The following PDE10A variants were observed in gnomAD, a reference collection of about 807,000 sequenced individuals.
PDE10A encodes phosphodiesterase 10A, also known as cAMP and cAMP-inhibited cGMP 3',5'-cyclic phosphodiesterase 10A.
PDE10A carries 39 observed loss-of-function variants against 97.7 expected under a neutral mutation model. The ratio of observed to expected loss-of-function variants is 0.40; its 90% CI spans 0.31 to 0.52. PDE10A has a LOEUF of 0.52. Among genes scored for constraint, PDE10A ranks in the 20% least tolerant of loss-of-function variants. The probability of loss-of-function intolerance (pLI) is 0.56; values close to 1 mark genes in which losing one functional copy is unlikely to be tolerated. For synonymous variants in PDE10A, 371 were observed against 376.8 expected (o/e 0.98, Z 0.18); for missense variants, 731 against 1,047.8 (o/e 0.70, Z 4.17).
intron 1 of PDE10A, among the ~76,000 whole-genome samples, chr6:165,693,554 C>T (rs1216494217): frequency 1.0e-5 from 1 of 97,426 alleles, no homozygotes. Flanking sequence ...AAAAAAAAAC[C>T]GAGTGCACTG....
At chr6:165,548,911 A>T (rs535224860) in intron 1 of PDE10A, among the ~76,000 whole-genome samples, 1 of 152,354 alleles carries the variant, frequency 6.6e-6, no homozygotes, top group South Asian at 2.1e-4. Context: ...ACTAAAAAAT[A>T]ACAGTATTAC....
At chr6:165,653,028 G>A (rs1789760195) in intron 1 of PDE10A, among the ~76,000 whole-genome samples, 1 of 152,186 alleles carries the variant, frequency 6.6e-6, no homozygotes, top group East Asian at 1.9e-4. Flanking sequence ...TGGGTCACTG[G>A]TGCCAACTAG....
At chr6:165,722,207 A>C (rs745600316) in intron 1 of PDE10A, among the ~76,000 whole-genome samples, 52 of 152,242 alleles carry the variant, frequency 3.4e-4, no homozygotes, top group Non-Finnish European at 3.5e-4. Flanking sequence ...CTGTGAGATA[A>C]ACCAAATACG....
intron 1 of PDE10A, among the ~76,000 whole-genome samples, chr6:165,821,358 G>C (rs114965466): frequency 7.9e-5 from 12 of 152,106 alleles, no homozygotes; most frequent in Non-Finnish European, 1.3e-4. Flanking sequence ...AATCATGATC[G>C]TGACAACAGA....
chr6:165,523,999 A>G (rs2128310069), intron 2 of PDE10A, among the ~76,000 whole-genome samples: 1 of 152,296 alleles, frequency 6.6e-6, no homozygotes, highest in East Asian at 1.9e-4. Context: ...TAAAGCAGGC[A>G]GAAAGACATG....
rs375026137 is a variant in PDE10A at position 165,691,879 on chromosome 6, G to T, written c.-614-148311C>A. On this transcript the variant is annotated intron_variant, in intron 1 of 19. Transcript: ENST00000366882. ...GGTCCTGTTAACCATTTCATCTTAC[G>T]CTTTTCACCCAAGCACTCGGTACAT... is the stretch of plus-strand genomic sequence containing the variant. Among the ~76,000 whole-genome samples, 11 of 152,290 alleles carry T rather than the reference G, an allele frequency of 7.2e-5. 1 individual carries two copies. The East Asian group carries it at 1.5e-3, about 21-fold the overall frequency.
chr6:165,720,107 G>A (rs1316758146), intron 1 of PDE10A, among the ~76,000 whole-genome samples: 1 of 152,176 alleles, frequency 6.6e-6, no homozygotes, highest in African/African-American at 2.4e-5. Context: ...TATTATCTAG[G>A]AAAAAGAAAA....
chr6:165,787,653 C>A (rs963156792), intron 1 of PDE10A, among the ~76,000 whole-genome samples: 3 of 152,170 alleles, frequency 2.0e-5, no homozygotes, highest in African/African-American at 7.2e-5. Context: ...ATCTAACTAC[C>A]TTTAACCATC....
intron 1 of PDE10A, among the ~76,000 whole-genome samples, chr6:165,937,405 G>C (rs1177478923): frequency 6.6e-6 from 1 of 152,168 alleles, no homozygotes; most frequent in East Asian, 1.9e-4. Context: ...TGAATGGTGA[G>C]ATTTTCGCAT....
intron 1 of PDE10A, among the ~76,000 whole-genome samples, chr6:165,793,117 C>T (rs1423510521): frequency 6.6e-6 from 1 of 152,140 alleles, no homozygotes; most frequent in Non-Finnish European, 1.5e-5. Flanking sequence ...ACTCTGAAGA[C>T]TGTCTCAGGC....
At chr6:165,767,193 A>G (rs187805215) in intron 1 of PDE10A, among the ~76,000 whole-genome samples, 183 of 152,356 alleles carry the variant, frequency 1.2e-3, no homozygotes, top group African/African-American at 4.1e-3. Flanking sequence ...TGGCACCGAA[A>G]AAAAGTGCTT....
intron 1 of PDE10A, among the ~76,000 whole-genome samples, chr6:165,705,543 A>G (rs1456650005): frequency 2.6e-5 from 4 of 152,242 alleles, no homozygotes; most frequent in Non-Finnish European, 5.9e-5. Flanking sequence ...TGGGAAGGCA[A>G]ATTTCATGAA....
intron 1 of PDE10A, among the ~76,000 whole-genome samples, chr6:165,703,998 G>A (rs1321668568): frequency 6.6e-6 from 1 of 152,152 alleles, no homozygotes; most frequent in African/African-American, 2.4e-5. Context: ...TTTCCCACAC[G>A]TTTTTCAAGG....
At chr6:165,796,091 C>CTTTTTTTTTTTTTT (rs1168771487) in intron 1 of PDE10A, among the ~76,000 whole-genome samples, 38 of 108,810 alleles carry the variant, frequency 3.5e-4, no homozygotes, top group African/African-American at 4.7e-4. Context: ...TTTTTCTTTT[C>CTTTTTTTTTTTTTT]TTTTTTTTTT....
At position 165,432,995 on chromosome 6, in the gene PDE10A, G is replaced by A; in HGVS notation, c.1470C>T (p.Ala490=). 1 of 1,613,850 alleles carries A rather than the reference G, an allele frequency of 6.2e-7. No homozygotes were observed. The highest frequency in any genetic ancestry group is 1.1e-5 in the South Asian group (1 of 91,032). ...TTACCTCCTGGTGACTAAGACAGAA[G>A]GCTTCTTTGCCCCAGTGCCGATACA... is the stretch of plus-strand genomic sequence containing the variant. The part of the protein sequence containing the change: ...LELYRHWGKE[A]FCLSHQEVAT... The change falls in exon 7 of 22, where the codon GCC becomes GCT. Residue 490 remains alanine, a synonymous_variant. Transcript: ENST00000539869.
intron 1 of PDE10A, among the ~76,000 whole-genome samples, chr6:165,829,658 C>T (rs568668257): frequency 3.9e-5 from 6 of 152,292 alleles, no homozygotes; most frequent in South Asian, 4.1e-4. Context: ...TCGGATCTCT[C>T]GATAAACTGC....
chr6:165,826,096 AGCTT>A (rs1214758730), intron 1 of PDE10A, among the ~76,000 whole-genome samples: 2 of 152,220 alleles, frequency 1.3e-5, no homozygotes, highest in Admixed American at 1.3e-4. Flanking sequence ...TCCCAGCCTC[AGCTT>A]GGACACTTCC....
chr6:165,742,961 G>A (rs371602452), intron 1 of PDE10A, among the ~76,000 whole-genome samples: 1 of 152,184 alleles, frequency 6.6e-6, no homozygotes, highest in Non-Finnish European at 1.5e-5. Context: ...TGATGAGCCT[G>A]GTCTTTTCAT....
At chr6:165,766,448 G>T (rs781545087) in intron 1 of PDE10A, among the ~76,000 whole-genome samples, 19 of 152,226 alleles carry the variant, frequency 1.2e-4, no homozygotes, top group Non-Finnish European at 2.1e-4. Context: ...AGAAGCCAAG[G>T]TTTAGTGCCT....
Sources: allele counts gnomAD v4.1 joint callset (sites outside exome capture counted in the v4.1 genomes callset), GRCh38; gene constraint gnomAD v4.1.1; transcripts MANE v1.5; gene names NCBI Gene and HGNC (gene_info 2026-07-23, HGNC 2026-07-21).